The following CTNNA3 variants were observed in gnomAD, a reference collection of about 807,000 sequenced individuals.
The protein encoded by CTNNA3 is catenin alpha-3.
In CTNNA3, 76 loss-of-function variants were observed where a neutral mutation model predicts 95.7. The observed-to-expected ratio is 0.79, with a 90% CI of 0.66 to 0.96. The LOEUF (loss-of-function observed/expected upper bound fraction) is 0.96. Among genes scored for constraint, CTNNA3 ranks in the 40% least tolerant of loss-of-function variants. The pLI is 0.00. For missense variants in CTNNA3, 1,191 were observed against 1,089.8 expected (o/e 1.09, Z -1.31); for synonymous variants, 431 against 374.4 (o/e 1.15, Z -1.74).
intron 9 of CTNNA3, among the ~76,000 whole-genome samples, chr10:66,732,480 T>C (rs1848993286): frequency 1.3e-5 from 2 of 152,124 alleles, no homozygotes; most frequent in Admixed American, 1.3e-4. Flanking sequence ...TTTAATCGAC[T>C]CACAGTTCAG....
At chr10:66,944,298 C>T (rs1279998194) in intron 7 of CTNNA3, among the ~76,000 whole-genome samples, 1 of 152,162 alleles carries the variant, frequency 6.6e-6, no homozygotes, top group East Asian at 1.9e-4. Flanking sequence ...AGACAACTTT[C>T]TCTGTTCATC....
chr10:67,504,268 C>T (rs1367856033), intron 5 of CTNNA3, among the ~76,000 whole-genome samples: 3 of 149,664 alleles, frequency 2.0e-5, no homozygotes, highest in Admixed American at 6.7e-5. Flanking sequence ...CTGGCTAACA[C>T]GGTGAAACCC....
intron 9 of CTNNA3, among the ~76,000 whole-genome samples, chr10:66,747,836 T>C (rs998696088): frequency 6.6e-6 from 1 of 152,158 alleles, no homozygotes; most frequent in Admixed American, 6.6e-5. Context: ...TCCCTATGCT[T>C]TTCCTCATTT....
intron 7 of CTNNA3, among the ~76,000 whole-genome samples, chr10:66,880,273 C>G (rs1049254225): frequency 2.6e-5 from 4 of 152,044 alleles, no homozygotes; most frequent in African/African-American, 9.7e-5. Flanking sequence ...AAAGTAGGTA[C>G]AAGCTCTTTA....
chr10:66,572,082 GA>G (rs1451527746), intron 10 of CTNNA3, among the ~76,000 whole-genome samples: 4 of 151,956 alleles, frequency 2.6e-5, no homozygotes, highest in East Asian at 1.9e-4. Context: ...AGCAGAGTAT[GA>G]AAAAAATCCA....
chr10:67,151,336 TA>T (rs11376698), intron 7 of CTNNA3, among the ~76,000 whole-genome samples: 4 of 150,908 alleles, frequency 2.7e-5, no homozygotes, highest in African/African-American at 7.3e-5. Flanking sequence ...TTACAGTGAA[TA>T]AAAAAAAATA....
chr10:67,614,086 T>A (rs1416941167), intron 2 of CTNNA3, among the ~76,000 whole-genome samples: 2 of 151,962 alleles, frequency 1.3e-5, no homozygotes, highest in East Asian at 3.9e-4. Flanking sequence ...CTGGCTGGAG[T>A]GGCCAGCTTT....
intron 5 of CTNNA3, among the ~76,000 whole-genome samples, chr10:67,237,444 C>T (rs1225052033): frequency 1.3e-5 from 2 of 151,352 alleles, no homozygotes; most frequent in East Asian, 2.0e-4. Context: ...GTATACCGCT[C>T]AGATGATGGG....
chr10:67,059,213 A>C (rs768438339), intron 7 of CTNNA3, among the ~76,000 whole-genome samples: 5 of 152,224 alleles, frequency 3.3e-5, no homozygotes, highest in Non-Finnish European at 5.9e-5. Flanking sequence ...TCACATTATA[A>C]GATTAATGAG....
Position 66,570,327 on chromosome 10 carries a change from C to T in CTNNA3, c.1375-49554G>A, listed in dbSNP as rs780083749. ...TTGTTTTGACAGAGTCTCGCTCTGT[C>T]GCCCAGGCTGGAGTGCAGTGGTGCA... On this transcript the variant is annotated intron_variant, in intron 10 of 17. Coordinates refer to ENST00000433211, the MANE Select transcript of CTNNA3 (RefSeq NM_013266.4). Among the ~76,000 whole-genome samples, 140 of 150,870 alleles carry T rather than the reference C, an allele frequency of 9.3e-4. 1 individual carries two copies. The highest frequency in any genetic ancestry group is 1.2e-3 in the Non-Finnish European group (80 of 67,508).
intron 7 of CTNNA3, among the ~76,000 whole-genome samples, chr10:67,114,037 C>A (rs2131976495): frequency 6.6e-6 from 1 of 150,382 alleles, no homozygotes; most frequent in South Asian, 2.1e-4. Context: ...GAGCTATGAT[C>A]ACACCACCGC....
intron 7 of CTNNA3, among the ~76,000 whole-genome samples, chr10:67,123,952 A>G (rs1037393204): frequency 6.6e-6 from 1 of 152,164 alleles, no homozygotes; most frequent in Admixed American, 6.5e-5. Context: ...TCTTCTGTCA[A>G]TTACACATAT....
At chr10:67,416,177 C>CA (rs777887407) in intron 5 of CTNNA3, among the ~76,000 whole-genome samples, 23 of 151,388 alleles carry the variant, frequency 1.5e-4, no homozygotes, top group Non-Finnish European at 2.1e-4. Flanking sequence ...TTCTGCATGG[C>CA]AAAAAAAACT....
chr10:66,067,901 G>A (rs1012762162), intron 15 of CTNNA3, among the ~76,000 whole-genome samples: 9 of 151,986 alleles, frequency 5.9e-5, no homozygotes, highest in African/African-American at 2.2e-4. Context: ...GGATGACAGA[G>A]CGAGACTCCA....
intron 5 of CTNNA3, among the ~76,000 whole-genome samples, chr10:67,433,639 C>A (rs1233942803): frequency 1.3e-5 from 2 of 151,648 alleles, no homozygotes; most frequent in Non-Finnish European, 2.9e-5. Flanking sequence ...AGTAAGAATT[C>A]AATGTATTGA....
chr10:66,747,311 T>C (rs1377788936), intron 9 of CTNNA3, among the ~76,000 whole-genome samples: 2 of 152,200 alleles, frequency 1.3e-5, no homozygotes, highest in Non-Finnish European at 2.9e-5. Flanking sequence ...AGGAAAATAA[T>C]AAATAAATTT....
intron 11 of CTNNA3, among the ~76,000 whole-genome samples, chr10:66,475,218 A>G (rs1335409934): frequency 6.6e-6 from 1 of 152,104 alleles, no homozygotes; most frequent in African/African-American, 2.4e-5. Flanking sequence ...ATCCACATAC[A>G]GAAGAACAAA....
chr10:67,700,260 T>A (rs1285596753), upstream of CTNNA3, among the ~76,000 whole-genome samples: 1 of 152,184 alleles, frequency 6.6e-6, no homozygotes, highest in East Asian at 1.9e-4. Flanking sequence ...CTGACAGCTT[T>A]GAAGAGAGCA....
At chr10:66,106,562 T>C (rs976856646) in intron 13 of CTNNA3, among the ~76,000 whole-genome samples, 3 of 152,102 alleles carry the variant, frequency 2.0e-5, no homozygotes, top group Non-Finnish European at 2.9e-5. Flanking sequence ...CGGATAATAA[T>C]ACCTAATCCC....
Sources: gnomAD v4.1 joint callset for allele counts (sites outside exome capture counted in the v4.1 genomes callset) on GRCh38, gnomAD v4.1.1 for gene constraint, MANE v1.5 for transcripts, NCBI Gene and HGNC (gene_info 2026-07-23, HGNC 2026-07-21) for gene names.